The following RARB variants were observed in gnomAD, a reference collection of about 807,000 sequenced individuals.
The protein encoded by RARB is HBV-activated protein.
In RARB, 17 loss-of-function variants were observed where a neutral mutation model predicts 51.9. The observed-to-expected ratio is 0.33, with a 90% CI of 0.22 to 0.49. The LOEUF (loss-of-function observed/expected upper bound fraction) is 0.49, where lower values mean the gene tolerates loss of function less well. RARB is among the 20% of genes least tolerant of loss of function. The pLI is 0.99. For missense variants in RARB, 369 were observed against 550.8 expected (o/e 0.67, Z 3.30); for synonymous variants, 215 against 195.4 (o/e 1.10, Z -0.84).
At position 25,150,781 on chromosome 3, in the gene RARB, A is replaced by G. The variant is rs56916888; in HGVS notation, c.-280+18573A>G. ...ATGTATTGCAAAAATAATCAGAAAC[A>G]AAGAATCCAGCCTTCTAGTAGTTTT... On this transcript the variant is annotated intron_variant, in intron 4 of 11. Transcript: ENST00000383772. 9.2e-3 allele frequency among the ~76,000 whole-genome samples: 1,402 copies of G among 152,330 alleles called. 19 individuals carry two copies. The highest frequency in any genetic ancestry group is 0.032 in the African/African-American group (1,325 of 41,564).
intron 2 of RARB, among the ~76,000 whole-genome samples, chr3:25,053,986 C>A (rs978839991): frequency 4.6e-5 from 7 of 152,112 alleles, no homozygotes; most frequent in Admixed American, 4.6e-4. Flanking sequence ...TGCTCCTACT[C>A]TGGGCCTGGC....
At chr3:25,191,178 C>T (rs1403316365) in intron 5 of RARB, among the ~76,000 whole-genome samples, 3 of 152,040 alleles carry the variant, frequency 2.0e-5, no homozygotes, top group Non-Finnish European at 4.4e-5. Flanking sequence ...GTTTTCAAAA[C>T]CCCAAGCAAA....
intron 3 of RARB, among the ~76,000 whole-genome samples, chr3:25,069,226 A>G (rs1355705056): frequency 1.3e-5 from 2 of 152,106 alleles, no homozygotes; most frequent in Non-Finnish European, 2.9e-5. Flanking sequence ...TTTTGAGTCT[A>G]TAAATACTTG....
chr3:25,191,213 A>T (rs1701096066), intron 5 of RARB, among the ~76,000 whole-genome samples: 1 of 152,136 alleles, frequency 6.6e-6, no homozygotes, highest in South Asian at 2.1e-4. Context: ...AGACTCTGTT[A>T]CTCACAATAC....
At chr3:24,994,245 T>C (rs901226523) in intron 2 of RARB, among the ~76,000 whole-genome samples, 1 of 152,200 alleles carries the variant, frequency 6.6e-6, no homozygotes, top group African/African-American at 2.4e-5. Flanking sequence ...TTTTCATTTC[T>C]TTGATAATTC....
intron 5 of RARB, among the ~76,000 whole-genome samples, chr3:25,206,713 G>GA (rs990909276): frequency 1.2e-4 from 19 of 152,258 alleles, no homozygotes; most frequent in African/African-American, 4.6e-4. Flanking sequence ...ATTCTTTCTG[G>GA]AAAAAATGTG....
At chr3:25,326,538 G>C (rs1704721181) in intron 5 of RARB, among the ~76,000 whole-genome samples, 1 of 152,172 alleles carries the variant, frequency 6.6e-6, no homozygotes, top group African/African-American at 2.4e-5. Context: ...TGGTTGACAG[G>C]CTATGGTATT....
In RARB at chr3:25,574,605, C is replaced by T. The variant is rs116208621; in HGVS notation, c.609+4687C>T. On this transcript the variant is annotated intron_variant, in intron 4 of 7. Transcript: ENST00000330688. ...TCCCACTGCTCTGCCGTGTGCGGGC[C>T]GCTCATCACCAGGTGGGGCCTGGCG... Among the ~76,000 whole-genome samples the T allele has an allele frequency of 2.4e-3, 365 of 152,334 alleles. 1 individual carries two copies. Among genetic ancestry groups the T allele is most frequent in the African/African-American group, 8.5e-3 (355 of 41,576 alleles).
intron 5 of RARB, among the ~76,000 whole-genome samples, chr3:25,413,114 A>G (rs947383051): frequency 4.6e-5 from 7 of 152,140 alleles, no homozygotes; most frequent in Non-Finnish European, 8.8e-5. Context: ...CTAAAACATA[A>G]CCAGTATCCT....
intron 5 of RARB, among the ~76,000 whole-genome samples, chr3:25,396,994 A>G (rs980168882): frequency 6.6e-6 from 1 of 152,104 alleles, no homozygotes; most frequent in Non-Finnish European, 1.5e-5. Flanking sequence ...TTCAGGCCCC[A>G]CTGCTCTCTC....
intron 5 of RARB, among the ~76,000 whole-genome samples, chr3:25,582,965 G>A (rs1233668835): frequency 6.6e-6 from 1 of 152,206 alleles, no homozygotes; most frequent in African/African-American, 2.4e-5. Flanking sequence ...TGATGTTGAT[G>A]ACAAGGCCAA....
intron 1 of RARB, among the ~76,000 whole-genome samples, chr3:25,444,916 C>T (rs577273677): frequency 1.4e-4 from 21 of 152,120 alleles, no homozygotes; most frequent in African/African-American, 5.1e-4. Context: ...GTTACCATAT[C>T]AGTTAGCTGG....
chr3:25,074,851 A>T (rs890776523), intron 3 of RARB, among the ~76,000 whole-genome samples: 2 of 151,966 alleles, frequency 1.3e-5, no homozygotes, highest in Non-Finnish European at 2.9e-5. Flanking sequence ...TGGGGCCAGG[A>T]CTCTTTTCCT....
rs181658751 is a variant in RARB, at chr3:25,105,482, G to C, written c.-327-26679G>C. Among the ~76,000 whole-genome samples, 527 of 147,538 alleles carry C rather than the reference G, an allele frequency of 3.6e-3. 5 individuals are homozygous for C. Among genetic ancestry groups the C allele is most frequent in the African/African-American group, 0.012 (503 of 40,252 alleles). On this transcript the variant is annotated intron_variant, in intron 3 of 11. Coordinates refer to the RARB transcript ENST00000383772. ...ATAAAGGGCATCAGTCATATGTTTT[G>C]CCAAGTATGACTGCACTGCTTCTGA...
intron 1 of RARB, among the ~76,000 whole-genome samples, chr3:25,460,984 T>A (rs532340168): frequency 6.6e-6 from 1 of 152,244 alleles, no homozygotes; most frequent in South Asian, 2.1e-4. Flanking sequence ...AAGTGAGAGA[T>A]GTATGAGACT....
chr3:25,444,035 C>T (rs867902705), intron 1 of RARB, among the ~76,000 whole-genome samples: 4 of 152,076 alleles, frequency 2.6e-5, no homozygotes, highest in South Asian at 2.1e-4. Flanking sequence ...TTTAAAGTTG[C>T]GATTGATTTT....
At chr3:25,320,529 C>A (rs1335866375) in intron 5 of RARB, among the ~76,000 whole-genome samples, 1 of 152,154 alleles carries the variant, frequency 6.6e-6, no homozygotes, top group Admixed American at 6.5e-5. Flanking sequence ...GTCCCTGACC[C>A]AGGATTTCCA....
chr3:25,043,716 G>T (rs1421227095), intron 2 of RARB, among the ~76,000 whole-genome samples: 1 of 151,998 alleles, frequency 6.6e-6, no homozygotes, highest in African/African-American at 2.4e-5. Context: ...ATAAGCAAAG[G>T]TACCCTTAAG....
intron 2 of RARB, among the ~76,000 whole-genome samples, chr3:25,464,706 C>T (rs1695344620): frequency 6.6e-6 from 1 of 151,750 alleles, no homozygotes; most frequent in South Asian, 2.1e-4. Context: ...ATTATCAATA[C>T]AGTATAGAAT....
Sources: gnomAD v4.1 joint callset for allele counts (sites outside exome capture counted in the v4.1 genomes callset) on GRCh38, gnomAD v4.1.1 for gene constraint, MANE v1.5 for transcripts, NCBI Gene and HGNC (gene_info 2026-07-23, HGNC 2026-07-21) for gene names.